AKT3: variants seen among roughly 807,000 people sequenced by gnomAD.
AKT3 encodes AKT serine/threonine kinase 3, also known as RAC-gamma serine/threonine-protein kinase.
A neutral mutation model predicts 65.3 loss-of-function variants in AKT3; 15 were observed. The ratio of observed to expected loss-of-function variants is 0.23; its 90% CI spans 0.15 to 0.35. The LOEUF (loss-of-function observed/expected upper bound fraction) is 0.35, where lower values mean the gene tolerates loss of function less well. Ranked by LOEUF, AKT3 falls within the 10% of genes least tolerant of loss-of-function variation. AKT3 has a pLI of 1.00. For missense variants in AKT3, 243 were observed against 576.5 expected (o/e 0.42, Z 5.92); for synonymous variants, 206 against 183.8 (o/e 1.12, Z -0.98).
chr1:243,776,742 A>G (rs1690577102), intron 2 of AKT3, among the ~76,000 whole-genome samples: 1 of 152,220 alleles, frequency 6.6e-6, no homozygotes, highest in Non-Finnish European at 1.5e-5. Flanking sequence ...ATAGGGCCAG[A>G]ATTTAAACTC....
intron 3 of AKT3, among the ~76,000 whole-genome samples, chr1:243,694,432 G>GA (rs1439169058): frequency 1.1e-3 from 169 of 151,836 alleles, no homozygotes; most frequent in Admixed American, 1.9e-3. Context: ...ATTTTGGTGG[G>GA]AAAAAAGATG....
chr1:243,583,195 T>TATATATACACACACACAC (rs759291565), intron 8 of AKT3, among the ~76,000 whole-genome samples: 2 of 88,326 alleles, frequency 2.3e-5, no homozygotes, highest in African/African-American at 1.0e-4. Context: ...TATATATATA[T>TATATATACACACACACAC]ACACACACAC....
intron 13 of AKT3, among the ~76,000 whole-genome samples, chr1:243,507,217 G>T (rs1669726228): frequency 6.6e-6 from 1 of 152,224 alleles, no homozygotes; most frequent in Non-Finnish European, 1.5e-5. Flanking sequence ...GCCCGGCGAG[G>T]TTCAGCACCC....
rs186208464 is a variant in AKT3 at position 243,802,143 on chromosome 1, G to T, written c.46+40982C>A. On this transcript the variant is annotated intron_variant, in intron 2 of 13. Transcript: ENST00000673466. Reference sequence around the variant, plus strand: ...CAAAGGCCGCAGCTCATTTCCAAATGCCTGGTCAGAATTTTCCTTTTTGTA... The same window carrying T: ...CAAAGGCCGCAGCTCATTTCCAAATTCCTGGTCAGAATTTTCCTTTTTGTA... Among the ~76,000 whole-genome samples the T allele has an allele frequency of 9.9e-5, 15 of 152,228 alleles. No homozygotes were observed. The East Asian group carries it at 2.9e-3, about 29-fold the overall frequency.
At chr1:243,752,161 G>A (rs902507047) in intron 2 of AKT3, among the ~76,000 whole-genome samples, 2 of 151,982 alleles carry the variant, frequency 1.3e-5, no homozygotes, top group African/African-American at 4.8e-5. Context: ...TTAAATGAGA[G>A]AACATTTTTA....
chr1:243,579,286 G>C (rs1675165997), intron 8 of AKT3, among the ~76,000 whole-genome samples: 2 of 152,142 alleles, frequency 1.3e-5, no homozygotes, highest in South Asian at 2.1e-4. Flanking sequence ...TCATAGAAAG[G>C]ATATTGTTAA....
chr1:243,849,162 T>C (rs1193497714), intron 1 of AKT3, among the ~76,000 whole-genome samples: 1 of 152,200 alleles, frequency 6.6e-6, no homozygotes, highest in Non-Finnish European at 1.5e-5. Context: ...ACCGGCATCA[T>C]GGCTGATGCG....
intron 2 of AKT3, among the ~76,000 whole-genome samples, chr1:243,706,805 G>A (rs1685835211): frequency 6.6e-6 from 1 of 152,164 alleles, no homozygotes; most frequent in South Asian, 2.1e-4. Context: ...CAGCAACACT[G>A]AGACTGGTGC....
chr1:243,572,661 T>C (rs1255131941), intron 9 of AKT3, among the ~76,000 whole-genome samples: 52 of 152,214 alleles, frequency 3.4e-4, no homozygotes, highest in Admixed American at 3.4e-3. Context: ...TGAATTTATT[T>C]GACTTAATCA....
chr1:243,850,295 A>AGGCGGC (rs34490111), upstream of AKT3, among the ~76,000 whole-genome samples: 9,987 of 118,240 alleles, frequency 0.084, 564 homozygotes, highest in Admixed American at 0.18. Context: ...CTGGAGCGGG[A>AGGCGGC]GGCGGCGGCG....
intron 2 of AKT3, among the ~76,000 whole-genome samples, chr1:243,807,194 G>C (rs775633448): frequency 3.9e-5 from 6 of 152,212 alleles, no homozygotes; most frequent in Non-Finnish European, 5.9e-5. Context: ...GTGCAGGACA[G>C]GGGGTGCAGT....
intron 10 of AKT3, among the ~76,000 whole-genome samples, chr1:243,557,321 A>G (rs897557659): frequency 4.6e-5 from 7 of 152,092 alleles, no homozygotes; most frequent in African/African-American, 1.7e-4. Flanking sequence ...TTAGTTTTGT[A>G]TATGTTCTCA....
chr1:243,617,320 T>C (rs1437622491), intron 6 of AKT3, among the ~76,000 whole-genome samples: 1 of 152,090 alleles, frequency 6.6e-6, no homozygotes, highest in Non-Finnish European at 1.5e-5. Context: ...AAGGGGATAC[T>C]ACAGTTAATG....
rs185292188 is a variant in AKT3 at position 243,660,399 on chromosome 1, G to C, written c.284+4373C>G. On this transcript the variant is annotated intron_variant, in intron 4 of 13. Coordinates refer to ENST00000673466, the MANE Select transcript of AKT3 (RefSeq NM_005465.7). ...GCTTCATCCCTGGGATGCAAGGCTG[G>C]TTCAATATACGCAAATCAATAAACG... Among the ~76,000 whole-genome samples, 29 of 152,130 alleles carry C rather than the reference G, an allele frequency of 1.9e-4. No individual in the cohort carries two copies. In the East Asian group the frequency reaches 5.2e-3, roughly 27 times the overall value.
intron 8 of AKT3, among the ~76,000 whole-genome samples, chr1:243,576,187 G>A (rs1013011570): frequency 5.3e-5 from 8 of 151,866 alleles, no homozygotes; most frequent in Admixed American, 1.3e-4. Flanking sequence ...ATTCAACATC[G>A]CTTCATGTTA....
chr1:243,844,953 G>C (rs1351766397), intron 1 of AKT3, among the ~76,000 whole-genome samples: 1 of 152,146 alleles, frequency 6.6e-6, no homozygotes, highest in African/African-American at 2.4e-5. Flanking sequence ...AGGTACACCA[G>C]TGTTATGTGG....
At chr1:243,724,191 A>AC (rs1309403239) in intron 2 of AKT3, among the ~76,000 whole-genome samples, 1 of 152,074 alleles carries the variant, frequency 6.6e-6, no homozygotes, top group Non-Finnish European at 1.5e-5. Context: ...GAAAAAGTTA[A>AC]CACCAAACAA....
intron 2 of AKT3, among the ~76,000 whole-genome samples, chr1:243,817,580 A>C (rs1469890709): frequency 2.0e-5 from 3 of 151,890 alleles, no homozygotes; most frequent in African/African-American, 7.3e-5. Flanking sequence ...ATCTCTACTA[A>C]ACATGCAAAA....
At chr1:243,798,606 AT>A (rs1220500038) in intron 2 of AKT3, among the ~76,000 whole-genome samples, 1 of 151,880 alleles carries the variant, frequency 6.6e-6, no homozygotes, top group Non-Finnish European at 1.5e-5. Context: ...TCTCTCTGTT[AT>A]CTTTCCATCT....
Sources: allele counts gnomAD v4.1 joint callset (sites outside exome capture counted in the v4.1 genomes callset), GRCh38; gene constraint gnomAD v4.1.1; transcripts MANE v1.5; gene names NCBI Gene and HGNC (gene_info 2026-07-23, HGNC 2026-07-21).